Variants in SCAPER observed in about 807,000 individuals in gnomAD.
The protein encoded by SCAPER is S phase cyclin A-associated protein in the endoplasmic reticulum.
In SCAPER, 98 loss-of-function variants were observed where a neutral mutation model predicts 182.2. The ratio of observed to expected loss-of-function variants is 0.54; its 90% CI spans 0.46 to 0.64. The LOEUF is 0.64. SCAPER is among the 30% of genes least tolerant of loss of function. The pLI is 0.00. For missense variants in SCAPER, 1,432 were observed against 1,690.0 expected (o/e 0.85, Z 2.68); for synonymous variants, 605 against 564.6 (o/e 1.07, Z -1.01).
intron 15 of SCAPER, among the ~76,000 whole-genome samples, chr15:76,742,355 C>T (rs1200092308): frequency 7.5e-6 from 1 of 134,168 alleles, no homozygotes; most frequent in African/African-American, 2.8e-5. Context: ...AGGAAGAAAG[C>T]AAAGGACCAG....
chr15:76,868,339 G>A (rs1346054353), intron 2 of SCAPER, among the ~76,000 whole-genome samples: 1 of 152,018 alleles, frequency 6.6e-6, no homozygotes, highest in African/African-American at 2.4e-5. Flanking sequence ...GCTGCAGTGA[G>A]CTATGATCGC....
Position 76,370,291 on chromosome 15 carries a change from ATTT to A in SCAPER, c.3855+5868_3855+5870del, listed in dbSNP as rs10524497. 3.7e-3 allele frequency among the ~76,000 whole-genome samples: 447 copies of A among 119,432 alleles called. 5 individuals are homozygous for A. In the South Asian group the frequency reaches 0.038, roughly 10 times the overall value. The allele number at this position is 119,432 out of a possible 152,430, so 78.4% of individuals were successfully genotyped here. On this transcript the variant is annotated intron_variant, in intron 29 of 31. Transcript: ENST00000563290. ...GTATAACATATAATTTACCATTTCA[ATTT>A]TTTTTTTTTTTTTTTTTTTTTTGTT...
At chr15:76,756,852 T>C (rs922154152) in intron 14 of SCAPER, among the ~76,000 whole-genome samples, 2 of 152,204 alleles carry the variant, frequency 1.3e-5, no homozygotes, top group African/African-American at 4.8e-5. Flanking sequence ...AATACAATAA[T>C]GTTAAGTAAC....
At chr15:76,597,606 T>C (rs2049607784) in intron 22 of SCAPER, among the ~76,000 whole-genome samples, 1 of 120,676 alleles carries the variant, frequency 8.3e-6, no homozygotes, top group African/African-American at 2.5e-5. Context: ...AACAGATATA[T>C]AGACCAACAG....
At chr15:76,585,600 G>A (rs899246002) in intron 22 of SCAPER, among the ~76,000 whole-genome samples, 3 of 152,100 alleles carry the variant, frequency 2.0e-5, no homozygotes, top group African/African-American at 4.8e-5. Context: ...CAGTACTGAG[G>A]GAGGCACAAG....
intron 26 of SCAPER, among the ~76,000 whole-genome samples, chr15:76,422,382 T>C (rs1011870258): frequency 1.3e-5 from 2 of 152,220 alleles, no homozygotes; most frequent in African/African-American, 4.8e-5. Context: ...TTTGAAGCAA[T>C]TGTGAATGGG....
At chr15:76,651,192 G>T (rs1004420852) in intron 21 of SCAPER, among the ~76,000 whole-genome samples, 2 of 151,874 alleles carry the variant, frequency 1.3e-5, no homozygotes, top group Admixed American at 6.6e-5. Context: ...AAAATCAAAT[G>T]CAGCAAAAAT....
At chr15:76,709,992 G>C (rs1461539700) in intron 17 of SCAPER, among the ~76,000 whole-genome samples, 1 of 152,044 alleles carries the variant, frequency 6.6e-6, no homozygotes, top group South Asian at 2.1e-4. Context: ...CAACAAACTA[G>C]AAACAGAAAG....
At chr15:76,840,258 A>C (rs530349272) in intron 5 of SCAPER, among the ~76,000 whole-genome samples, 81 of 152,030 alleles carry the variant, frequency 5.3e-4, no homozygotes, top group Non-Finnish European at 9.9e-4. Context: ...TCGCTACAAA[A>C]ATTTTTTTAA....
intron 20 of SCAPER, among the ~76,000 whole-genome samples, chr15:76,680,371 T>G (rs1286004918): frequency 6.7e-6 from 1 of 149,210 alleles, no homozygotes; most frequent in Non-Finnish European, 1.5e-5. Context: ...GCAAAGAATA[T>G]GCACAGGGAC....
intron 25 of SCAPER, among the ~76,000 whole-genome samples, chr15:76,468,308 C>A (rs1159045827): frequency 1.2e-4 from 18 of 151,938 alleles, no homozygotes; most frequent in Admixed American, 1.2e-3. Flanking sequence ...TCAGAAAGTG[C>A]CATGTATAAG....
At chr15:76,515,320 C>A (rs1382818697) in intron 23 of SCAPER, among the ~76,000 whole-genome samples, 4 of 152,170 alleles carry the variant, frequency 2.6e-5, no homozygotes, top group Non-Finnish European at 5.9e-5. Context: ...CAGAAGCAGA[C>A]CACAAGACCT....
intron 22 of SCAPER, among the ~76,000 whole-genome samples, chr15:76,600,600 T>C (rs1433928407): frequency 8.5e-6 from 1 of 117,256 alleles, no homozygotes; most frequent in Admixed American, 1.0e-4. Context: ...CAGGCACCTG[T>C]CACCATGCCT....
At chr15:76,743,691 G>C (rs555951432) in intron 15 of SCAPER, among the ~76,000 whole-genome samples, 2 of 152,074 alleles carry the variant, frequency 1.3e-5, no homozygotes, top group South Asian at 4.2e-4. Context: ...TGTATTAGAA[G>C]AATCAGTATC....
At chr15:76,885,990 T>C (rs986636090) in intron 1 of SCAPER, among the ~76,000 whole-genome samples, 11 of 152,240 alleles carry the variant, frequency 7.2e-5, no homozygotes, top group African/African-American at 2.2e-4. Context: ...TTTTGGTATA[T>C]TGATTTCCAT....
chr15:76,621,967 T>C (rs569772095), intron 21 of SCAPER, 138 bp from the exon 22 acceptor site: 36 of 605,064 alleles, frequency 5.9e-5, no homozygotes, highest in Non-Finnish European at 9.9e-5. Context: ...TGACTACCTA[T>C]GTACCTCAAG....
intron 15 of SCAPER, among the ~76,000 whole-genome samples, chr15:76,752,847 T>C (rs909004232): frequency 6.6e-6 from 1 of 151,654 alleles, no homozygotes; most frequent in Non-Finnish European, 1.5e-5. Flanking sequence ...CTGAATTGTA[T>C]ACTTAACAAT....
At chr15:76,711,657 T>C (rs543292942) in intron 17 of SCAPER, among the ~76,000 whole-genome samples, 1 of 152,328 alleles carries the variant, frequency 6.6e-6, no homozygotes, top group East Asian at 1.9e-4. Context: ...TATCTCATTG[T>C]GGTTTTGATT....
chr15:76,628,073 C>A (rs763699057), intron 21 of SCAPER, among the ~76,000 whole-genome samples: 2 of 152,128 alleles, frequency 1.3e-5, no homozygotes, highest in Non-Finnish European at 2.9e-5. Context: ...TGTTTGTTGG[C>A]CGCATGAATG....
Sources: allele counts gnomAD v4.1 joint callset (sites outside exome capture counted in the v4.1 genomes callset), GRCh38; gene constraint gnomAD v4.1.1; transcripts MANE v1.5; gene names NCBI Gene and HGNC (gene_info 2026-07-23, HGNC 2026-07-21).